The following MARCHF11 variants were observed in gnomAD, a reference collection of about 807,000 sequenced individuals.
The protein encoded by MARCHF11 is E3 ubiquitin-protein ligase MARCHF11.
In MARCHF11, 29 loss-of-function variants were observed where a neutral mutation model predicts 37.3. The ratio of observed to expected loss-of-function variants is 0.78; its 90% CI spans 0.58 to 1.06. The LOEUF (loss-of-function observed/expected upper bound fraction) is 1.06. Among genes scored for constraint, MARCHF11 ranks in the 50% least tolerant of loss-of-function variants. The pLI, the probability that MARCHF11 is intolerant of heterozygous loss-of-function variation, is 0.00. For missense variants in MARCHF11, 482 were observed against 533.4 expected (o/e 0.90, Z 0.95); for synonymous variants, 233 against 228.0 (o/e 1.02, Z -0.20).
At chr5:16,157,854 C>G (rs894840224) in intron 2 of MARCHF11, among the ~76,000 whole-genome samples, 1 of 151,814 alleles carries the variant, frequency 6.6e-6, no homozygotes, top group South Asian at 2.1e-4. Context: ...AACTAAAAAG[C>G]CTTTGCACAG....
At chr5:16,099,362 G>A (rs925071810) in intron 2 of MARCHF11, among the ~76,000 whole-genome samples, 3 of 151,994 alleles carry the variant, frequency 2.0e-5, no homozygotes, top group Admixed American at 6.6e-5. Flanking sequence ...AAAAGAGAGG[G>A]AGAAAAAGGG....
At chr5:16,117,218 C>T (rs529937428) in intron 2 of MARCHF11, among the ~76,000 whole-genome samples, 1 of 152,230 alleles carries the variant, frequency 6.6e-6, no homozygotes, top group South Asian at 2.1e-4. Context: ...ACCAGGATTG[C>T]TCTGGAAATT....
intron 2 of MARCHF11, among the ~76,000 whole-genome samples, chr5:16,140,266 A>G (rs1180980515): frequency 5.3e-5 from 8 of 152,300 alleles, no homozygotes; most frequent in Non-Finnish European, 1.2e-4. Context: ...TGTAAGGCCA[A>G]TAAATGAGAT....
intron 2 of MARCHF11, among the ~76,000 whole-genome samples, chr5:16,175,930 T>C (rs189047896): frequency 3.2e-4 from 49 of 152,340 alleles, no homozygotes; most frequent in African/African-American, 1.2e-3. Context: ...AATATGCTAA[T>C]AGTACCAGAT....
intron 2 of MARCHF11, among the ~76,000 whole-genome samples, chr5:16,135,880 TA>T (rs11345766): frequency 0.33 from 39,424 of 119,292 alleles, 5,966 homozygotes; most frequent in African/African-American, 0.44. Context: ...GAAAGAGATT[TA>T]AAAAAAAAAA....
At chr5:16,165,174 A>AT (rs1738149302) in intron 2 of MARCHF11, among the ~76,000 whole-genome samples, 2 of 151,910 alleles carry the variant, frequency 1.3e-5, no homozygotes, top group Non-Finnish European at 2.9e-5. Context: ...TTTAGGTCTA[A>AT]TCTCAGACGT....
At chr5:16,174,756 T>C (rs1738328053) in intron 2 of MARCHF11, among the ~76,000 whole-genome samples, 1 of 152,182 alleles carries the variant, frequency 6.6e-6, no homozygotes, top group Non-Finnish European at 1.5e-5. Flanking sequence ...CCGGACTTTA[T>C]GAGGACCAAA....
At chr5:16,069,351 G>C (rs1736399039) in intron 3 of MARCHF11, among the ~76,000 whole-genome samples, 1 of 152,142 alleles carries the variant, frequency 6.6e-6, no homozygotes, top group Non-Finnish European at 1.5e-5. Flanking sequence ...ATTCATGGTA[G>C]TGAAGAAGGA....
chr5:16,161,893 C>T (rs1052113855), intron 2 of MARCHF11, among the ~76,000 whole-genome samples: 3 of 151,922 alleles, frequency 2.0e-5, no homozygotes, highest in Non-Finnish European at 1.5e-5. Context: ...GATGATGAAG[C>T]GTCTCTTCAA....
chr5:16,115,314 G>A (rs537972150), intron 2 of MARCHF11, among the ~76,000 whole-genome samples: 15 of 152,232 alleles, frequency 9.9e-5, no homozygotes, highest in South Asian at 4.2e-4. Context: ...ACTTCTGTGC[G>A]TCCGTGAATC....
intron 2 of MARCHF11, among the ~76,000 whole-genome samples, chr5:16,128,066 A>G (rs1737445296): frequency 1.3e-5 from 2 of 152,084 alleles, no homozygotes; most frequent in South Asian, 2.1e-4. Context: ...AGTGCCTGCC[A>G]TCTCTTGCTG....
intron 2 of MARCHF11, among the ~76,000 whole-genome samples, chr5:16,133,460 G>T (rs1045810243): frequency 1.3e-5 from 2 of 152,104 alleles, no homozygotes; most frequent in Non-Finnish European, 2.9e-5. Context: ...GACCACAGAG[G>T]CATGAGAGAA....
In MARCHF11 at chr5:16,177,765, T is replaced by G. The variant is rs757051872; in HGVS notation, c.654A>C (p.Arg218Ser). 7 of 1,613,450 alleles carry G rather than the reference T, an allele frequency of 4.3e-6. No homozygotes were observed. The African/African-American group carries it at 8.0e-5, about 18-fold the overall frequency. ...TCATTTTAATGGCTATAACATGGTA[T>G]CTATAACAGCAAAGTTCACAGGTCC... is the stretch of plus-strand genomic sequence containing the variant. ...GSWTCELCCY[R>S]YHVIAIKMKQ... The change falls in exon 2 of 4, where the codon AGA becomes AGC. Residue 218 changes from arginine to serine, a missense_variant. Coordinates refer to ENST00000332432, the MANE Select transcript of MARCHF11 (RefSeq NM_001102562.3).
intron 3 of MARCHF11, among the ~76,000 whole-genome samples, chr5:16,068,617 T>C (rs1435510445): frequency 3.3e-5 from 5 of 152,202 alleles, no homozygotes; most frequent in Admixed American, 6.5e-5. Flanking sequence ...TACAGCAAAC[T>C]TGGAAACCGT....
chr5:16,122,810 G>A (rs1484133243), intron 2 of MARCHF11, among the ~76,000 whole-genome samples: 1 of 152,166 alleles, frequency 6.6e-6, no homozygotes, highest in African/African-American at 2.4e-5. Flanking sequence ...ATCATCAAAG[G>A]AGAGGGCCAC....
chr5:16,085,039 C>A (rs1736672759), intron 3 of MARCHF11, among the ~76,000 whole-genome samples: 1 of 151,552 alleles, frequency 6.6e-6, no homozygotes. Flanking sequence ...ATTGTCCATG[C>A]TTGTGCTTTG....
At chr5:16,091,202 C>A in intron 2 of MARCHF11, 121 bp from the exon 3 acceptor site, 1 of 685,118 alleles carries the variant, frequency 1.5e-6, no homozygotes, top group Non-Finnish European at 2.2e-6. Context: ...GATGAGACCC[C>A]AAATGAATTT....
chr5:16,115,864 T>C (rs1407832749), intron 2 of MARCHF11, among the ~76,000 whole-genome samples: 2 of 152,092 alleles, frequency 1.3e-5, no homozygotes, highest in Admixed American at 1.3e-4. Context: ...TGACCTCAGG[T>C]GATCCACCTG....
intron 2 of MARCHF11, among the ~76,000 whole-genome samples, chr5:16,123,665 C>T (rs1454727229): frequency 6.6e-6 from 1 of 152,038 alleles, no homozygotes; most frequent in African/African-American, 2.4e-5. Flanking sequence ...TGTGTGGGCT[C>T]ATTTCTATGA....
Sources: allele counts gnomAD v4.1 joint callset (sites outside exome capture counted in the v4.1 genomes callset), GRCh38; gene constraint gnomAD v4.1.1; transcripts MANE v1.5; gene names NCBI Gene and HGNC (gene_info 2026-07-23, HGNC 2026-07-21).